ANXA8: variants seen among roughly 807,000 people sequenced by gnomAD.
The protein encoded by ANXA8 is annexin A8, also known as VAC-beta.
Under a neutral mutation model 26.8 loss-of-function variants are expected in ANXA8, and 9 were observed. The observed-to-expected ratio is 0.34, with a 90% CI of 0.20 to 0.59. ANXA8 has a LOEUF of 0.59. Among genes scored for constraint, ANXA8 ranks in the 20% least tolerant of loss-of-function variants. ANXA8 has a pLI of 0.84. For synonymous variants in ANXA8, 39 were observed against 94.8 expected (o/e 0.41, Z 3.42); for missense variants, 83 against 238.5 (o/e 0.35, Z 4.29).
the ANXA8 span, among the ~76,000 whole-genome samples, chr10:47,944,028 A>T: frequency 6.8e-6 from 1 of 147,492 alleles, no homozygotes; most frequent in Non-Finnish European, 1.5e-5. Flanking sequence ...CCACTTTCTT[A>T]GTTGGCTCGG....
the ANXA8 span, chr10:47,986,673 T>G: frequency 5.5e-6 from 2 of 361,086 alleles, 1 homozygote; most frequent in Non-Finnish European, 1.1e-5. Context: ...AAACTGGTGT[T>G]CAACACAACG....
At chr10:47,666,953 T>TA in the ANXA8 span, among the ~76,000 whole-genome samples, 1 of 152,066 alleles carries the variant, frequency 6.6e-6, no homozygotes, top group Non-Finnish European at 1.5e-5. Flanking sequence ...TCCTTGTGAC[T>TA]AACTCAACCT....
At chr10:47,645,433 C>T in the ANXA8 span, among the ~76,000 whole-genome samples, 2 of 147,888 alleles carry the variant, frequency 1.4e-5, no homozygotes, top group Non-Finnish European at 3.0e-5. Flanking sequence ...TTTCTCACCT[C>T]ATAGTAGTCA....
At chr10:47,548,720 A>G in the ANXA8 span, among the ~76,000 whole-genome samples, 1 of 150,450 alleles carries the variant, frequency 6.6e-6, no homozygotes, top group African/African-American at 2.4e-5. Flanking sequence ...TAAATTTTCT[A>G]TTGATAAACT....
the ANXA8 span, chr10:47,589,578 G>A: frequency 1.4e-5 from 2 of 146,168 alleles, 1 homozygote; most frequent in African/African-American, 5.6e-5. Flanking sequence ...GGACACAATG[G>A]GCTTTCTATA....
At chr10:47,776,177 G>A in the ANXA8 span, among the ~76,000 whole-genome samples, 1 of 151,408 alleles carries the variant, frequency 6.6e-6, no homozygotes, top group Non-Finnish European at 1.5e-5. Flanking sequence ...CTATTCCTGA[G>A]GACTTTTCAA....
At chr10:47,743,388 G>GTA in the ANXA8 span, among the ~76,000 whole-genome samples, 1 of 64,648 alleles carries the variant, frequency 1.5e-5, no homozygotes, top group Non-Finnish European at 3.2e-5. Context: ...ATGTGTGTGT[G>GTA]TGTGTGTGTG....
the ANXA8 span, among the ~76,000 whole-genome samples, chr10:47,974,484 CTT>C: frequency 4.7e-5 from 7 of 148,856 alleles, no homozygotes; most frequent in African/African-American, 1.7e-4. Context: ...TAGGTGCAAA[CTT>C]AGACTGTTAA....
At chr10:47,627,050 ATT>A in the ANXA8 span, among the ~76,000 whole-genome samples, 2 of 149,392 alleles carry the variant, frequency 1.3e-5, no homozygotes, top group East Asian at 3.8e-4. Context: ...AACTGTAAGA[ATT>A]CTCTTATAGA....
At chr10:47,639,481 T>A in the ANXA8 span, among the ~76,000 whole-genome samples, 1 of 152,290 alleles carries the variant, frequency 6.6e-6, no homozygotes, top group Non-Finnish European at 1.5e-5. Context: ...CCCGGCTAAT[T>A]TTTTGTGTGT....
the ANXA8 span, among the ~76,000 whole-genome samples, chr10:47,672,015 T>C: frequency 6.6e-6 from 1 of 151,708 alleles, no homozygotes; most frequent in South Asian, 2.1e-4. Context: ...ACTTCTGCAA[T>C]ATCTAAATTT....
chr10:47,633,329 CG>C, the ANXA8 span, among the ~76,000 whole-genome samples: 1 of 93,532 alleles, frequency 1.1e-5, no homozygotes, highest in East Asian at 2.9e-4. Flanking sequence ...CTCACACACC[CG>C]TACGTTCACA....
At chr10:47,895,064 C>T in the ANXA8 span, among the ~76,000 whole-genome samples, 24,353 of 135,036 alleles carry the variant, frequency 0.18, 14 homozygotes, top group Non-Finnish European at 0.24. Flanking sequence ...ATACACCATA[C>T]TCACATGTGC....
the ANXA8 span, chr10:47,565,528 T>C: frequency 5.8e-6 from 2 of 347,292 alleles, no homozygotes; most frequent in African/African-American, 4.5e-5. Context: ...CTCTGAAAGC[T>C]GGACAGCCAG....
At chr10:47,679,833 G>C in the ANXA8 span, among the ~76,000 whole-genome samples, 1 of 151,836 alleles carries the variant, frequency 6.6e-6, no homozygotes, top group Non-Finnish European at 1.5e-5. Flanking sequence ...TGGGAGGATT[G>C]CTTGAGCTTG....
the ANXA8 span, among the ~76,000 whole-genome samples, chr10:47,954,958 G>A: frequency 2.0e-5 from 3 of 150,094 alleles, no homozygotes; most frequent in South Asian, 6.3e-4. Flanking sequence ...ATGAGTGAAA[G>A]GAGCCCACAC....
chr10:47,585,221 AC>A, the ANXA8 span, among the ~76,000 whole-genome samples: 12 of 110,056 alleles, frequency 1.1e-4, no homozygotes, highest in Admixed American at 8.3e-4. Flanking sequence ...CCGAGATCGC[AC>A]CACTGCACTC....
At chr10:47,636,532 TA>T in the ANXA8 span, among the ~76,000 whole-genome samples, 1 of 145,120 alleles carries the variant, frequency 6.9e-6, no homozygotes, top group Non-Finnish European at 1.5e-5. Flanking sequence ...TATTGAGGTA[TA>T]AAAAAATTGT....
At chr10:47,664,235 G>A in the ANXA8 span, among the ~76,000 whole-genome samples, 28 of 152,070 alleles carry the variant, frequency 1.8e-4, no homozygotes, top group African/African-American at 5.3e-4. Context: ...AAAATGAGCC[G>A]GGCGTGGTGG....
Sources: gnomAD v4.1 joint callset for allele counts (sites outside exome capture counted in the v4.1 genomes callset) on GRCh38, gnomAD v4.1.1 for gene constraint, MANE v1.5 for transcripts, NCBI Gene and HGNC (gene_info 2026-07-23, HGNC 2026-07-21) for gene names.